SDHAF4: variants seen among roughly 807,000 people sequenced by gnomAD.
SDHAF4 encodes succinate dehydrogenase assembly factor 4, mitochondrial.
SDHAF4 carries 14 observed loss-of-function variants against 14.3 expected under a neutral mutation model. That is an observed-to-expected ratio of 0.98 (90% confidence interval 0.65 to 1.53). SDHAF4 has a LOEUF of 1.53. Among genes scored for constraint, SDHAF4 ranks in the 40% most tolerant of loss-of-function variants. SDHAF4 has a pLI of 0.00. For missense variants in SDHAF4, 141 were observed against 129.3 expected (o/e 1.09, Z -0.44); for synonymous variants, 63 against 47.3 (o/e 1.33, Z -1.36).
At chr6:70,576,071 G>A (rs541658375) in intron 1 of SDHAF4, among the ~76,000 whole-genome samples, 6 of 152,228 alleles carry the variant, frequency 3.9e-5, no homozygotes, top group Non-Finnish European at 7.4e-5. Flanking sequence ...CATCTGACAC[G>A]CCCTTGTTTC....
the SDHAF4 span, among the ~76,000 whole-genome samples, chr6:70,595,204 C>T: frequency 4.0e-3 from 612 of 152,282 alleles, 9 homozygotes; most frequent in African/African-American, 0.014. Context: ...CTCACTCACT[C>T]TCAGAGGTTG....
At chr6:70,575,726 TGA>T (rs60738760) in intron 1 of SDHAF4, among the ~76,000 whole-genome samples, 31 of 151,124 alleles carry the variant, frequency 2.1e-4, no homozygotes, top group African/African-American at 7.1e-4. Context: ...TGTGTGTGTG[TGA>T]GAGAGAGAGA....
chr6:70,574,261 A>G (rs955765073), intron 1 of SDHAF4, among the ~76,000 whole-genome samples: 3 of 151,734 alleles, frequency 2.0e-5, no homozygotes, highest in African/African-American at 7.3e-5. Context: ...TGGAGGTTGC[A>G]GTGAGCTGAG....
At chr6:70,570,734 A>G (rs1290266649) in intron 1 of SDHAF4, among the ~76,000 whole-genome samples, 1 of 152,062 alleles carries the variant, frequency 6.6e-6, no homozygotes, top group East Asian at 1.9e-4. Flanking sequence ...TCTTTTTATC[A>G]TTAAGGTGTG....
chr6:70,572,031 T>G (rs10945230), intron 1 of SDHAF4, among the ~76,000 whole-genome samples: 24,188 of 148,632 alleles, frequency 0.16, 2,086 homozygotes, highest in Middle Eastern at 0.2. Context: ...TACCAAAGCT[T>G]TTACAACACT....
In SDHAF4 at chr6:70,580,489, A is replaced by G. The variant is rs116762646; in HGVS notation, c.217+923A>G. Among the ~76,000 whole-genome samples, 536 of 152,366 alleles carry G rather than the reference A, an allele frequency of 3.5e-3. 7 individuals carry two copies. Among genetic ancestry groups the G allele is most frequent in the African/African-American group, 0.012 (519 of 41,584 alleles). On this transcript the variant is annotated intron_variant, in intron 2 of 2. Coordinates refer to ENST00000370474, the MANE Select transcript of SDHAF4 (RefSeq NM_145267.3). ...GTTCCACTCTTAGGTGTGTATCTAA[A>G]GGAATTGAAAGCAGGGACTTGAACA...
chr6:70,598,018 A>G, the SDHAF4 span, among the ~76,000 whole-genome samples: 5 of 152,368 alleles, frequency 3.3e-5, no homozygotes, highest in African/African-American at 1.2e-4. Flanking sequence ...AGAAATATTT[A>G]TGATTAACAA....
At chr6:70,575,377 GA>G (rs796171113) in intron 1 of SDHAF4, among the ~76,000 whole-genome samples, 11 of 136,696 alleles carry the variant, frequency 8.0e-5, no homozygotes, top group Admixed American at 2.3e-4. Flanking sequence ...GACTCTGTCT[GA>G]AAAAAAAAAG....
chr6:70,571,839 T>C (rs919626749), intron 1 of SDHAF4, among the ~76,000 whole-genome samples: 2 of 152,104 alleles, frequency 1.3e-5, no homozygotes, highest in Non-Finnish European at 2.9e-5. Flanking sequence ...ATTTATCAGG[T>C]TTCCTCTTAA....
downstream of SDHAF4, among the ~76,000 whole-genome samples, chr6:70,591,960 G>A (rs1407655703): frequency 6.6e-6 from 1 of 152,182 alleles, no homozygotes. Context: ...AGTGGAGCTG[G>A]TGCTTTATGA....
At chr6:70,572,900 CAT>C (rs764708826) in intron 1 of SDHAF4, among the ~76,000 whole-genome samples, 8 of 152,164 alleles carry the variant, frequency 5.3e-5, no homozygotes, top group Admixed American at 2.6e-4. Context: ...TTTTGATAAA[CAT>C]AAAGACTTTT....
chr6:70,576,277 A>G (rs959382857), intron 1 of SDHAF4, among the ~76,000 whole-genome samples: 12 of 152,202 alleles, frequency 7.9e-5, no homozygotes, highest in Admixed American at 2.6e-4. Flanking sequence ...CCTGACTACA[A>G]AAATAGTTCT....
At chr6:70,576,435 T>C (rs1422025782) in intron 1 of SDHAF4, among the ~76,000 whole-genome samples, 1 of 152,220 alleles carries the variant, frequency 6.6e-6, no homozygotes, top group Non-Finnish European at 1.5e-5. Context: ...TTGCTCCTCC[T>C]CGCTTTCCCC....
intron 1 of SDHAF4, among the ~76,000 whole-genome samples, chr6:70,569,254 G>A (rs892542422): frequency 6.7e-6 from 1 of 150,126 alleles, no homozygotes; most frequent in African/African-American, 2.5e-5. Flanking sequence ...GTGAGCCACC[G>A]CACCCGGCCT....
chr6:70,597,548 GA>G, the SDHAF4 span, among the ~76,000 whole-genome samples: 1 of 152,004 alleles, frequency 6.6e-6, no homozygotes, highest in Non-Finnish European at 1.5e-5. Context: ...AACAGTTCCA[GA>G]AGACAACTGA....
chr6:70,581,513 T>C (rs945775638), intron 2 of SDHAF4, among the ~76,000 whole-genome samples: 6 of 152,204 alleles, frequency 3.9e-5, no homozygotes, highest in Admixed American at 1.3e-4. Flanking sequence ...CCTTTGACAG[T>C]GTTAACTATT....
chr6:70,588,026 A>G (rs1227155269), intron 2 of SDHAF4, among the ~76,000 whole-genome samples: 2 of 152,222 alleles, frequency 1.3e-5, no homozygotes, highest in East Asian at 1.9e-4. Flanking sequence ...TGTTCTCTCC[A>G]TTTTACTGGT....
downstream of SDHAF4, among the ~76,000 whole-genome samples, chr6:70,593,232 T>C (rs1327231771): frequency 6.6e-6 from 1 of 152,252 alleles, no homozygotes; most frequent in Non-Finnish European, 1.5e-5. Flanking sequence ...CTTGGCGACC[T>C]GCACATGCTG....
At chr6:70,594,317 C>T (rs1008734350), downstream of SDHAF4, among the ~76,000 whole-genome samples, 1 of 152,148 alleles carries the variant, frequency 6.6e-6, no homozygotes, top group Admixed American at 6.5e-5. Context: ...CTCCAAAACT[C>T]GTGTTAAACT....
Sources: gnomAD v4.1 joint callset for allele counts (sites outside exome capture counted in the v4.1 genomes callset) on GRCh38, gnomAD v4.1.1 for gene constraint, MANE v1.5 for transcripts, NCBI Gene and HGNC (gene_info 2026-07-23, HGNC 2026-07-21) for gene names.